The following DLGAP2 variants were observed in gnomAD, a reference collection of about 807,000 sequenced individuals.
The protein encoded by DLGAP2 is DLG associated protein 2, also known as disks large-associated protein 2.
Under a neutral mutation model 100.3 loss-of-function variants are expected in DLGAP2, and 26 were observed. That is an observed-to-expected ratio of 0.26 (90% CI 0.19 to 0.36). The LOEUF is 0.36. Ranked by LOEUF, DLGAP2 falls within the 10% of genes least tolerant of loss-of-function variation. The pLI is 1.00. For missense variants in DLGAP2, 1,858 were observed against 1,453.2 expected (o/e 1.28, Z -4.53); for synonymous variants, 886 against 630.1 (o/e 1.41, Z -6.08).
chr8:951,341 T>A (rs1226882250), intron 2 of DLGAP2, among the ~76,000 whole-genome samples: 5 of 152,166 alleles, frequency 3.3e-5, no homozygotes, highest in African/African-American at 1.2e-4. Flanking sequence ...TGCCTCCCAG[T>A]TCAAGTGATT....
At chr8:1,192,654 A>C (rs1462733752) in intron 2 of DLGAP2, among the ~76,000 whole-genome samples, 3 of 131,762 alleles carry the variant, frequency 2.3e-5, no homozygotes, top group African/African-American at 9.0e-5. Context: ...GGCTTTATGT[A>C]TCTGGTTTCT....
intron 5 of DLGAP2, among the ~76,000 whole-genome samples, chr8:1,556,014 C>A (rs1392785315): frequency 6.6e-6 from 1 of 152,162 alleles, no homozygotes; most frequent in African/African-American, 2.4e-5. Flanking sequence ...TCCAGGTTTA[C>A]CAGGGGAGAA....
At chr8:1,407,354 A>G (rs368573312) in intron 3 of DLGAP2, among the ~76,000 whole-genome samples, 1,555 of 26,970 alleles carry the variant, frequency 0.058, 3 homozygotes, top group East Asian at 0.14. Flanking sequence ...TGTATTGAGA[A>G]CTTACTGAGC....
chr8:896,944 T>C (rs1037593750), intron 1 of DLGAP2, among the ~76,000 whole-genome samples: 1 of 152,182 alleles, frequency 6.6e-6, no homozygotes, highest in African/African-American at 2.4e-5. Context: ...GTGTGCTTTG[T>C]AAGAGATTTG....
At chr8:1,653,351 G>T (rs1798210606) in intron 8 of DLGAP2, among the ~76,000 whole-genome samples, 1 of 152,230 alleles carries the variant, frequency 6.6e-6, no homozygotes, top group African/African-American at 2.4e-5. Flanking sequence ...GAGGCTGCAG[G>T]TGCCTGGGGT....
chr8:1,427,102 A>C (rs1030392980), intron 3 of DLGAP2, among the ~76,000 whole-genome samples: 2 of 152,212 alleles, frequency 1.3e-5, no homozygotes, highest in Non-Finnish European at 2.9e-5. Flanking sequence ...AAGATAAGAA[A>C]CACTACATAG....
intron 3 of DLGAP2, among the ~76,000 whole-genome samples, chr8:1,295,399 A>G (rs1585231224): frequency 6.6e-6 from 1 of 152,206 alleles, no homozygotes; most frequent in Non-Finnish European, 1.5e-5. Flanking sequence ...GTGGCTCTGG[A>G]GTTCTCCCTG....
intron 2 of DLGAP2, among the ~76,000 whole-genome samples, chr8:1,006,776 G>A (rs1412205494): frequency 1.1e-5 from 1 of 93,342 alleles, no homozygotes; most frequent in Non-Finnish European, 2.0e-5. Context: ...CAGGGACACC[G>A]TGTGTCTCAA....
At position 1,644,055 on chromosome 8, in the gene DLGAP2, GT is replaced by G. The variant is rs1317789892; in HGVS notation, c.1810+11010del. 1.8e-4 allele frequency among the ~76,000 whole-genome samples: 17 copies of G among 92,490 alleles called. 4 individuals are homozygous for G. Among genetic ancestry groups the G allele is most frequent in the African/African-American group, 6.2e-4 (14 of 22,764 alleles). The allele number at this position is 92,490 out of a possible 152,430, so 60.7% of individuals were successfully genotyped here. On this transcript the variant is annotated intron_variant, in intron 8 of 14. Transcript: ENST00000637795. ...ACCTGTGTCACCCTCGAACCCGCCGGTCCTCACCTGTGTCACCCTCGACCCC... is the reference window on the plus strand; with the variant it reads ...ACCTGTGTCACCCTCGAACCCGCCGGCCTCACCTGTGTCACCCTCGACCCC...
At chr8:1,390,097 C>G (rs1325591118) in intron 3 of DLGAP2, among the ~76,000 whole-genome samples, 1 of 151,932 alleles carries the variant, frequency 6.6e-6, no homozygotes, top group Non-Finnish European at 1.5e-5. Flanking sequence ...ATCACAGGGC[C>G]CTGGTGGAGT....
At chr8:1,043,906 G>T (rs376666126) in intron 2 of DLGAP2, among the ~76,000 whole-genome samples, 1 of 152,032 alleles carries the variant, frequency 6.6e-6, no homozygotes, top group African/African-American at 2.4e-5. Context: ...GGCAGGTGTG[G>T]AGAGACGGGC....
chr8:948,430 G>T (rs1271949338), intron 2 of DLGAP2, among the ~76,000 whole-genome samples: 1 of 152,212 alleles, frequency 6.6e-6, no homozygotes, highest in African/African-American at 2.4e-5. Context: ...AGGGTCCCAT[G>T]CCTTCCCCTT....
chr8:1,572,535 GT>G (rs1802769728), intron 6 of DLGAP2, among the ~76,000 whole-genome samples: 1 of 130,334 alleles, frequency 7.7e-6, no homozygotes, highest in Non-Finnish European at 1.6e-5. Flanking sequence ...AGGGTGAACT[GT>G]GGGGGCGTCT....
At chr8:1,107,609 AG>A (rs1463972543) in intron 2 of DLGAP2, among the ~76,000 whole-genome samples, 2 of 152,200 alleles carry the variant, frequency 1.3e-5, no homozygotes, top group Admixed American at 1.3e-4. Context: ...CGAGAATCCT[AG>A]GAGAATGGGC....
intron 2 of DLGAP2, among the ~76,000 whole-genome samples, chr8:1,216,808 T>C (rs1798222754): frequency 6.6e-6 from 1 of 152,190 alleles, no homozygotes; most frequent in Non-Finnish European, 1.5e-5. Flanking sequence ...AAGTGAACAG[T>C]AGTAACCTAA....
chr8:934,478 A>C (rs556315903), intron 2 of DLGAP2, among the ~76,000 whole-genome samples: 7 of 152,296 alleles, frequency 4.6e-5, no homozygotes, highest in Non-Finnish European at 7.4e-5. Context: ...GACCTGCTTG[A>C]AACAGGCCAC....
At chr8:1,371,088 CT>C (rs756008692) in intron 3 of DLGAP2, among the ~76,000 whole-genome samples, 2 of 152,196 alleles carry the variant, frequency 1.3e-5, no homozygotes, top group African/African-American at 2.4e-5. Context: ...ACTGTCATTG[CT>C]TTTATAAACC....
Position 1,453,138 on chromosome 8 carries a change from C to G in DLGAP2, c.107-48228C>G, listed in dbSNP as rs984770082. Among the ~76,000 whole-genome samples the G allele has an allele frequency of 4.0e-5, 6 of 151,798 alleles. No homozygotes were observed. In the East Asian group the frequency reaches 1.2e-3, roughly 30 times the overall value. On this transcript the variant is annotated intron_variant, in intron 3 of 14. Coordinates refer to ENST00000637795, the MANE Select transcript of DLGAP2 (RefSeq NM_001346810.2). The stretch of plus-strand genomic sequence containing the variant: ...GGAGCTGAGATGCCAGGAAGGGGAA[C>G]GTCGCAGGTATTGGAGCGCGCTGGG...
chr8:1,509,688 CTTTG>C (rs776244063), intron 4 of DLGAP2, among the ~76,000 whole-genome samples: 4 of 152,086 alleles, frequency 2.6e-5, no homozygotes, highest in Admixed American at 6.5e-5. Flanking sequence ...TCTTCTCATT[CTTTG>C]TTTGTTAACA....
Sources: gnomAD v4.1 joint callset for allele counts (sites outside exome capture counted in the v4.1 genomes callset) on GRCh38, gnomAD v4.1.1 for gene constraint, MANE v1.5 for transcripts, NCBI Gene and HGNC (gene_info 2026-07-23, HGNC 2026-07-21) for gene names.